Variants in INPP4B observed in about 807,000 individuals in gnomAD.
The protein encoded by INPP4B is inositol polyphosphate 4-phosphatase type II.
In INPP4B, 55 loss-of-function variants were observed where a neutral mutation model predicts 122.5. That is an observed-to-expected ratio of 0.45 (90% CI 0.36 to 0.56). The LOEUF (loss-of-function observed/expected upper bound fraction) is 0.56, where lower values mean the gene tolerates loss of function less well. Among genes scored for constraint, INPP4B ranks in the 20% least tolerant of loss-of-function variants. INPP4B has a pLI of 0.00. For missense variants in INPP4B, 1,000 were observed against 1,097.7 expected (o/e 0.91, Z 1.26); for synonymous variants, 403 against 388.7 (o/e 1.04, Z -0.43).
intron 2 of INPP4B, among the ~76,000 whole-genome samples, chr4:142,559,543 C>T (rs918194817): frequency 1.3e-5 from 2 of 152,006 alleles, no homozygotes; most frequent in African/African-American, 4.8e-5. Flanking sequence ...GGATGTCTTG[C>T]TATTTTTATT....
At chr4:142,546,065 C>G (rs183262067) in intron 2 of INPP4B, among the ~76,000 whole-genome samples, 1 of 151,836 alleles carries the variant, frequency 6.6e-6, no homozygotes, top group Admixed American at 6.6e-5. Flanking sequence ...AGTGATTTTT[C>G]CTTATCCCCT....
intron 2 of INPP4B, among the ~76,000 whole-genome samples, chr4:142,616,021 G>A (rs2150355488): frequency 6.6e-6 from 1 of 152,184 alleles, no homozygotes; most frequent in South Asian, 2.1e-4. Flanking sequence ...TCTTTATATG[G>A]GAGAGATGTA....
At position 142,603,768 on chromosome 4, in the gene INPP4B, T is replaced by C. The variant is rs533740790; in HGVS notation, c.-191+122071A>G. Among the ~76,000 whole-genome samples the C allele has an allele frequency of 6.6e-5, 10 of 152,246 alleles. No individual in the cohort carries two copies. The East Asian group carries it at 1.9e-3, about 29-fold the overall frequency. On this transcript the variant is annotated intron_variant, in intron 2 of 25. Coordinates refer to ENST00000262992, the MANE Select transcript of INPP4B (RefSeq NM_001101669.3). Reference sequence around the variant, plus strand: ...AGCCCAAGAACAGATGGATTCAGTGTAATATTCTACAAAATATATAAAGAA... The same window carrying C: ...AGCCCAAGAACAGATGGATTCAGTGCAATATTCTACAAAATATATAAAGAA...
At chr4:142,449,214 T>C (rs1257645572) in intron 3 of INPP4B, among the ~76,000 whole-genome samples, 3 of 152,120 alleles carry the variant, frequency 2.0e-5, no homozygotes, top group Non-Finnish European at 4.4e-5. Flanking sequence ...AGTGATGTTC[T>C]CCTCTTTACC....
intron 2 of INPP4B, among the ~76,000 whole-genome samples, chr4:142,614,915 A>G (rs1743370476): frequency 6.6e-6 from 1 of 152,196 alleles, no homozygotes; most frequent in Non-Finnish European, 1.5e-5. Flanking sequence ...GGATGCAGAG[A>G]AAAAGGAATG....
intron 2 of INPP4B, among the ~76,000 whole-genome samples, chr4:142,642,771 G>A (rs1750815652): frequency 6.6e-6 from 1 of 152,154 alleles, no homozygotes; most frequent in Non-Finnish European, 1.5e-5. Flanking sequence ...GGTTCTATAT[G>A]AACTTTAAAG....
At chr4:142,145,772 A>ATT (rs372112547) in intron 18 of INPP4B, 68 bp downstream of exon 18, 9 of 1,430,230 alleles carry the variant, frequency 6.3e-6, no homozygotes, top group Middle Eastern at 1.8e-4. Context: ...CTTCTATATC[A>ATT]TTTTTTTTTC....
At chr4:142,525,615 C>A in intron 2 of INPP4B, among the ~76,000 whole-genome samples, 1 of 85,456 alleles carries the variant, frequency 1.2e-5, no homozygotes, top group East Asian at 2.8e-4. Context: ...CTTTGACAAA[C>A]CTGAGAAAAA....
intron 2 of INPP4B, among the ~76,000 whole-genome samples, chr4:142,515,718 T>C (rs1825335784): frequency 6.6e-6 from 1 of 152,210 alleles, no homozygotes; most frequent in Non-Finnish European, 1.5e-5. Flanking sequence ...TGTAAGGATA[T>C]GATGTTCAAA....
chr4:142,025,104 T>C lies in INPP4B; in HGVS notation c.*3678A>G, dbSNP rs1736627432. ...TAATAAAAAAAAAAGAATATGGCAT[T>C]CATTGTGTGCTGGTAAATGCTCAAC... On this transcript the variant is annotated 3_prime_UTR_variant, in exon 26 of 26. Transcript: ENST00000262992. 1 of 152,100 alleles carries C rather than the reference T, an allele frequency of 6.6e-6. No individual in the cohort carries two copies. The highest frequency in any genetic ancestry group is 6.6e-5 in the Admixed American group (1 of 15,266). 9.4% of individuals were successfully genotyped at this position (152,100 alleles called of 1,614,324 possible).
chr4:142,358,660 A>AAT (rs1554042097), intron 7 of INPP4B, among the ~76,000 whole-genome samples: 1 of 150,970 alleles, frequency 6.6e-6, no homozygotes, highest in African/African-American at 2.4e-5. Flanking sequence ...TAAAAAAAAA[A>AAT]AAAAAAAAAA....
chr4:142,162,108 A>T (rs1561335203), intron 16 of INPP4B, among the ~76,000 whole-genome samples: 1 of 151,834 alleles, frequency 6.6e-6, no homozygotes, highest in Non-Finnish European at 1.5e-5. Context: ...TTTGTTGAAT[A>T]TTTTAAACAT....
intron 7 of INPP4B, among the ~76,000 whole-genome samples, chr4:142,341,643 G>A (rs1778737025): frequency 6.6e-6 from 1 of 152,086 alleles, no homozygotes; most frequent in Admixed American, 6.6e-5. Flanking sequence ...CTCTCATGAT[G>A]TTTATATTAA....
chr4:142,026,810 A>ATATT lies in INPP4B; in HGVS notation c.*1968_*1971dup, dbSNP rs1442174748. 1 of 152,204 alleles carries ATATT rather than the reference A, an allele frequency of 6.6e-6. No homozygotes were observed. The highest frequency in any genetic ancestry group is 1.5e-5 in the Non-Finnish European group (1 of 68,034). 9.4% of individuals were successfully genotyped at this position (152,204 alleles called of 1,614,324 possible). On this transcript the variant is annotated 3_prime_UTR_variant, in exon 26 of 26. Transcript: ENST00000262992. The stretch of plus-strand genomic sequence containing the variant: ...CTGGCTTTCCAGTTAATATTTTTCC[A>ATATT]TATTTAAGTAGTTTGTTTTCAAAAA...
chr4:142,348,912 T>C (rs2151785149), intron 7 of INPP4B, among the ~76,000 whole-genome samples: 1 of 152,066 alleles, frequency 6.6e-6, no homozygotes, highest in East Asian at 1.9e-4. Context: ...GGCTGGAGGA[T>C]GATGTTATGG....
intron 3 of INPP4B, 103 bp from the exon 4 acceptor site, chr4:142,431,488 T>C (rs575389331): frequency 1.9e-6 from 1 of 530,332 alleles, no homozygotes; most frequent in Admixed American, 3.4e-5. Flanking sequence ...ATAAACTTTC[T>C]TCCTGCCTAC....
intron 2 of INPP4B, among the ~76,000 whole-genome samples, chr4:142,639,332 G>C (rs1455125248): frequency 6.6e-6 from 1 of 152,078 alleles, no homozygotes; most frequent in Non-Finnish European, 1.5e-5. Flanking sequence ...GTAGAGAATT[G>C]ATATAATTTT....
intron 24 of INPP4B, among the ~76,000 whole-genome samples, chr4:142,084,125 TTTA>T (rs1458562073): frequency 6.6e-6 from 1 of 151,726 alleles, no homozygotes. Context: ...TATTTTTATT[TTTA>T]TTATTATTAT....
At position 142,445,376 on chromosome 4, in the gene INPP4B, GAAAAAC is replaced by G. The variant is rs560162742; in HGVS notation, c.-126-13997_-126-13992del. On this transcript the variant is annotated intron_variant, in intron 3 of 25. Transcript: ENST00000262992. ...TAATGACTGAATTTGCAAAAATACT[GAAAAAC>G]AACAAATACAAGAACAAAACGTCAA... is the stretch of plus-strand genomic sequence containing the variant. Among the ~76,000 whole-genome samples, 451 of 152,172 alleles carry G rather than the reference GAAAAAC, an allele frequency of 3.0e-3. 1 individual carries two copies. Among genetic ancestry groups the G allele is most frequent in the Non-Finnish European group, 5.2e-3 (352 of 67,992 alleles).
Sources: gnomAD v4.1 joint callset for allele counts (sites outside exome capture counted in the v4.1 genomes callset) on GRCh38, gnomAD v4.1.1 for gene constraint, MANE v1.5 for transcripts, NCBI Gene and HGNC (gene_info 2026-07-23, HGNC 2026-07-21) for gene names.